The following CDK19 variants were observed in gnomAD, a reference collection of about 807,000 sequenced individuals.
CDK19 encodes cyclin dependent kinase 19, also known as cyclin-dependent kinase 19.
Under a neutral mutation model 68.3 loss-of-function variants are expected in CDK19, and 20 were observed. The ratio of observed to expected loss-of-function variants is 0.29; its 90% CI spans 0.21 to 0.43. The LOEUF (loss-of-function observed/expected upper bound fraction) is 0.43. Among genes scored for constraint, CDK19 ranks in the 20% least tolerant of loss-of-function variants. The pLI, the probability that CDK19 is intolerant of heterozygous loss-of-function variation, is 1.00. For synonymous variants in CDK19, 221 were observed against 222.8 expected (o/e 0.99, Z 0.07); for missense variants, 339 against 623.5 (o/e 0.54, Z 4.86).
At chr6:110,619,465 G>GTCT (rs1778571864) in intron 12 of CDK19, among the ~76,000 whole-genome samples, 1 of 151,912 alleles carries the variant, frequency 6.6e-6, no homozygotes, top group East Asian at 2.0e-4. Flanking sequence ...AGGAGGTGTT[G>GTCT]TCTGCAAAGA....
In CDK19 at chr6:110,737,461, T is replaced by C. The variant is rs188000154; in HGVS notation, c.204+8665A>G. Among the ~76,000 whole-genome samples, 5 of 152,118 alleles carry C rather than the reference T, an allele frequency of 3.3e-5. No homozygotes were observed. In the East Asian group the frequency reaches 5.8e-4, roughly 18 times the overall value. On this transcript the variant is annotated intron_variant, in intron 2 of 12. Coordinates refer to ENST00000368911, the MANE Select transcript of CDK19 (RefSeq NM_015076.5). ...ATAGGAAACATAGTAGCTTGAAAAATAGTCCAATAGGTGTATACATACACA... is the reference window on the plus strand; with the variant it reads ...ATAGGAAACATAGTAGCTTGAAAAACAGTCCAATAGGTGTATACATACACA...
intron 2 of CDK19, among the ~76,000 whole-genome samples, chr6:110,709,494 T>C (rs1192218832): frequency 7.6e-6 from 1 of 132,228 alleles, no homozygotes; most frequent in Admixed American, 9.3e-5. Flanking sequence ...ACTCCAGAAC[T>C]TAAAGTATAA....
At chr6:110,622,289 G>T in intron 10 of CDK19, 123 bp from the exon 11 acceptor site, 1 of 686,560 alleles carries the variant, frequency 1.5e-6, no homozygotes. Context: ...TGTGGCTAGT[G>T]TTCAAATCTT....
chr6:110,632,209 C>T (rs1475226157), intron 5 of CDK19, 48 bp from the exon 6 acceptor site: 6 of 1,471,872 alleles, frequency 4.1e-6, no homozygotes, highest in South Asian at 1.2e-5. Flanking sequence ...GATTGTTTCT[C>T]GTCCTTTTGG....
chr6:110,798,628 G>GAAAAAAA (rs59236293), intron 1 of CDK19, among the ~76,000 whole-genome samples: 17 of 56,696 alleles, frequency 3.0e-4, no homozygotes, highest in South Asian at 6.7e-4. Flanking sequence ...TCTGTCTCCA[G>GAAAAAAA]AAAAAAAAAA....
chr6:110,794,290 G>A (rs909949949), intron 1 of CDK19, among the ~76,000 whole-genome samples: 1 of 151,704 alleles, frequency 6.6e-6, no homozygotes, highest in East Asian at 1.9e-4. Context: ...CAGGTGATCC[G>A]CCCACCTCGG....
In CDK19 at chr6:110,623,285, C is replaced by G; in HGVS notation, c.933+5G>C. 6.2e-7 allele frequency: 1 copy of G among 1,612,320 alleles called. No homozygotes were observed. Among genetic ancestry groups the G allele is most frequent in the Non-Finnish European group, 8.5e-7 (1 of 1,178,522 alleles). ...CAGATTTTAGTCTGGGAGAGAAGCA[C>G]CTACCAAGAGGAACACTTTGCTGTC... On this transcript the variant is annotated splice_donor_5th_base_variant and intron_variant, in intron 9 of 12. Transcript: ENST00000368911.
rs189048030 is a variant in CDK19 at position 110,734,627 on chromosome 6, G to C, written c.204+11499C>G. Among the ~76,000 whole-genome samples, 4 of 139,528 alleles carry C rather than the reference G, an allele frequency of 2.9e-5. No individual in the cohort carries two copies. In the East Asian group the frequency reaches 8.6e-4, roughly 30 times the overall value. 91.5% of individuals were successfully genotyped at this position (139,528 alleles called of 152,430 possible). A position where few individuals can be genotyped will look rare whatever the true frequency, so the allele number is the denominator to read the frequency against. ...CTTCTACATTCTCCCTTCTCCACCT[G>C]GCTAGCCCCTATTAGGCTTTGAAAT... On this transcript the variant is annotated intron_variant, in intron 2 of 12. Transcript: ENST00000368911.
chr6:110,741,810 C>G (rs1777693696), intron 2 of CDK19, among the ~76,000 whole-genome samples: 1 of 152,274 alleles, frequency 6.6e-6, no homozygotes, highest in African/African-American at 2.4e-5. Flanking sequence ...TCCAACAACA[C>G]TAATACTGCA....
At chr6:110,766,304 G>C (rs1779579806) in intron 1 of CDK19, among the ~76,000 whole-genome samples, 1 of 152,058 alleles carries the variant, frequency 6.6e-6, no homozygotes, top group Non-Finnish European at 1.5e-5. Flanking sequence ...GCCAGGCATG[G>C]TGGCTCACAC....
chr6:110,722,620 T>C (rs576574865), intron 2 of CDK19, among the ~76,000 whole-genome samples: 148 of 152,136 alleles, frequency 9.7e-4, no homozygotes, highest in Non-Finnish European at 1.9e-3. Flanking sequence ...AAAAAAATAC[T>C]GTCAAATTTC....
chr6:110,697,482 T>G (rs1424579236), intron 2 of CDK19, among the ~76,000 whole-genome samples: 1 of 151,800 alleles, frequency 6.6e-6, no homozygotes, highest in Admixed American at 6.6e-5. Context: ...CAAGGAAAAC[T>G]ACAAAACACT....
At chr6:110,809,163 C>T (rs867645669) in intron 1 of CDK19, among the ~76,000 whole-genome samples, 4 of 149,684 alleles carry the variant, frequency 2.7e-5, no homozygotes, top group Non-Finnish European at 4.4e-5. Flanking sequence ...TGCAGTGAGC[C>T]GAGACTGCGC....
chr6:110,694,714 C>T (rs946396298), intron 2 of CDK19, among the ~76,000 whole-genome samples: 2 of 152,158 alleles, frequency 1.3e-5, no homozygotes, highest in Non-Finnish European at 2.9e-5. Context: ...TTTTCATTAG[C>T]ACATGGAACA....
chr6:110,726,207 T>C (rs1414579724), intron 2 of CDK19, among the ~76,000 whole-genome samples: 1 of 152,162 alleles, frequency 6.6e-6, no homozygotes, highest in Non-Finnish European at 1.5e-5. Context: ...AGCAAAAGCA[T>C]TTCACATACT....
At chr6:110,653,457 A>G (rs1032761251) in intron 4 of CDK19, among the ~76,000 whole-genome samples, 3 of 152,248 alleles carry the variant, frequency 2.0e-5, no homozygotes, top group African/African-American at 7.2e-5. Flanking sequence ...GTTCTGACCT[A>G]GTTACATCCC....
intron 2 of CDK19, among the ~76,000 whole-genome samples, chr6:110,692,464 A>G (rs1014266250): frequency 1.3e-5 from 2 of 152,174 alleles, no homozygotes; most frequent in Non-Finnish European, 1.5e-5. Context: ...AAAAATGAAC[A>G]AAGTCTCCAA....
Position 110,815,186 on chromosome 6 carries a change from G to A in CDK19, c.-50C>T. On this transcript the variant is annotated 5_prime_UTR_variant, in exon 1 of 13. Coordinates refer to ENST00000368911, the MANE Select transcript of CDK19 (RefSeq NM_015076.5). The stretch of plus-strand genomic sequence containing the variant: ...GGGACGCGGGGGCCGCCGCCGCTCA[G>A]TCCCTCCTCCTCCTCCCCCCGCGAC... The A allele has an allele frequency of 1.3e-6, 2 of 1,528,078 alleles. No individual in the cohort carries two copies. Among genetic ancestry groups the A allele is most frequent in the African/African-American group, 1.4e-5 (1 of 69,716 alleles). 94.7% of individuals were successfully genotyped at this position (1,528,078 alleles called of 1,614,324 possible).
At chr6:110,754,724 C>T (rs750342606) in intron 1 of CDK19, among the ~76,000 whole-genome samples, 1 of 152,138 alleles carries the variant, frequency 6.6e-6, no homozygotes, top group African/African-American at 2.4e-5. Flanking sequence ...TCGTGATGCA[C>T]CCGCCTTGGC....
Sources: gnomAD v4.1 joint callset for allele counts (sites outside exome capture counted in the v4.1 genomes callset) on GRCh38, gnomAD v4.1.1 for gene constraint, MANE v1.5 for transcripts, NCBI Gene and HGNC (gene_info 2026-07-23, HGNC 2026-07-21) for gene names.